TOX2: variants seen among roughly 807,000 people sequenced by gnomAD.
TOX2 encodes granulosa cell HMG box 1.
A neutral mutation model predicts 47.4 loss-of-function variants in TOX2; 15 were observed. The observed-to-expected ratio is 0.32, with a 90% CI of 0.21 to 0.49. The LOEUF is 0.49. Among genes scored for constraint, TOX2 ranks in the 20% least tolerant of loss-of-function variants. TOX2 has a pLI of 0.99. For missense variants in TOX2, 622 were observed against 673.1 expected, an observed-to-expected ratio of 0.92 and a Z score of 0.84; for synonymous variants, 290 against 296.6, an observed-to-expected ratio of 0.98 and a Z score of 0.23.
chr20:43,992,920 A>T (rs2070395812), intron 2 of TOX2, among the ~76,000 whole-genome samples: 1 of 151,654 alleles, frequency 6.6e-6, no homozygotes, highest in Admixed American at 6.6e-5. Flanking sequence ...TGCTGATCCG[A>T]ACTGATTTAG....
intron 3 of TOX2, among the ~76,000 whole-genome samples, chr20:44,048,870 C>T (rs1402835778): frequency 6.6e-6 from 1 of 152,198 alleles, no homozygotes; most frequent in Non-Finnish European, 1.5e-5. Flanking sequence ...TGTGGTGGCT[C>T]ATGCCTATAA....
intron 3 of TOX2, among the ~76,000 whole-genome samples, chr20:44,017,269 G>C (rs185517816): frequency 6.6e-6 from 1 of 152,358 alleles, no homozygotes; most frequent in East Asian, 1.9e-4. Flanking sequence ...CTGAGTATGA[G>C]TATGGGGTGA....
intron 2 of TOX2, among the ~76,000 whole-genome samples, chr20:43,987,960 G>A (rs556902537): frequency 1.6e-5 from 2 of 122,700 alleles, no homozygotes; most frequent in South Asian, 2.7e-4. Context: ...TCACTCTGTC[G>A]CCAGGCTGGA....
intron 3 of TOX2, among the ~76,000 whole-genome samples, chr20:44,011,336 T>C (rs1008673551): frequency 6.6e-6 from 1 of 152,202 alleles, no homozygotes; most frequent in Non-Finnish European, 1.5e-5. Context: ...AGGCTTGTGA[T>C]CTACAAGATG....
At chr20:44,063,781 T>A (rs62204317) in intron 5 of TOX2, among the ~76,000 whole-genome samples, 1 of 86,698 alleles carries the variant, frequency 1.2e-5, no homozygotes. Context: ...CATATACATA[T>A]ATATGTACAC....
intron 1 of TOX2, among the ~76,000 whole-genome samples, chr20:43,950,485 C>A (rs2069543967): frequency 6.6e-6 from 1 of 152,114 alleles, no homozygotes; most frequent in Non-Finnish European, 1.5e-5. Context: ...CCTCCCCTCC[C>A]CCTCCCCACT....
intron 2 of TOX2, among the ~76,000 whole-genome samples, chr20:43,981,268 A>G (rs1291903866): frequency 6.6e-6 from 1 of 152,194 alleles, no homozygotes; most frequent in African/African-American, 2.4e-5. Context: ...TTGACCTTTA[A>G]CCCAGCAATT....
At chr20:43,969,582 A>C (rs1264548471) in intron 1 of TOX2, among the ~76,000 whole-genome samples, 1 of 152,226 alleles carries the variant, frequency 6.6e-6, no homozygotes, top group East Asian at 1.9e-4. Context: ...GTGTCCCCCA[A>C]CTATTCCTTC....
At chr20:43,984,864 C>T (rs560144000) in intron 2 of TOX2, among the ~76,000 whole-genome samples, 20 of 152,174 alleles carry the variant, frequency 1.3e-4, no homozygotes, top group African/African-American at 4.1e-4. Flanking sequence ...GGGGTGGACA[C>T]GTGATTTCAA....
At chr20:44,041,691 T>C (rs1387070708) in intron 3 of TOX2, among the ~76,000 whole-genome samples, 1 of 152,222 alleles carries the variant, frequency 6.6e-6, no homozygotes, top group Admixed American at 6.5e-5. Context: ...TTTGTAACTA[T>C]AGCAAGAATG....
chr20:44,063,589 C>A (rs907492107), intron 5 of TOX2, among the ~76,000 whole-genome samples: 7 of 152,100 alleles, frequency 4.6e-5, no homozygotes, highest in African/African-American at 1.7e-4. Context: ...TTTGACCCAG[C>A]AATCCCACTG....
intron 4 of TOX2, among the ~76,000 whole-genome samples, chr20:44,051,950 A>G (rs2071520389): frequency 6.6e-6 from 1 of 152,100 alleles, no homozygotes; most frequent in African/African-American, 2.4e-5. Flanking sequence ...TGTTGAGGGG[A>G]TGGGGTGAGA....
At chr20:44,052,025 C>T (rs774598896) in intron 4 of TOX2, among the ~76,000 whole-genome samples, 11 of 152,210 alleles carry the variant, frequency 7.2e-5, no homozygotes, top group East Asian at 1.9e-4. Flanking sequence ...GAGGTGTGGA[C>T]GGCTTCAGCA....
intron 3 of TOX2, among the ~76,000 whole-genome samples, chr20:44,014,785 G>A (rs750120368): frequency 2.6e-5 from 4 of 152,138 alleles, no homozygotes; most frequent in South Asian, 4.2e-4. Context: ...CTTCAGCCTC[G>A]TCTCTAAGTT....
In TOX2 at chr20:44,069,299, G is replaced by T. The variant is rs921893095; in HGVS notation, c.*613G>T. 1.1e-5 allele frequency: 2 copies of T among 175,684 alleles called. No homozygotes were observed. The highest frequency in any genetic ancestry group is 1.1e-4 in the Admixed American group (2 of 17,740). The allele number at this position is 175,684 out of a possible 1,614,324, so 10.9% of individuals were successfully genotyped here. A position where few individuals can be genotyped will look rare whatever the true frequency, so the allele number is the denominator to read the frequency against. ...TTAAGTTTTATCTTAAGGGAGACGC[G>T]CACAAAAGCGGCTGCCAAACCGTTT... On this transcript the variant is annotated 3_prime_UTR_variant, in exon 9 of 9. Transcript: ENST00000341197.
intron 1 of TOX2, among the ~76,000 whole-genome samples, chr20:43,967,932 T>G (rs1187967742): frequency 6.6e-6 from 1 of 152,202 alleles, no homozygotes; most frequent in Non-Finnish European, 1.5e-5. Flanking sequence ...TATTACACTT[T>G]GCATGCCTGT....
At chr20:44,013,469 T>C (rs1456772848) in intron 3 of TOX2, among the ~76,000 whole-genome samples, 1 of 152,246 alleles carries the variant, frequency 6.6e-6, no homozygotes, top group African/African-American at 2.4e-5. Flanking sequence ...CTTGGTCCTC[T>C]GGTCTTCTGA....
intron 3 of TOX2, among the ~76,000 whole-genome samples, chr20:44,048,903 G>A (rs921307935): frequency 1.3e-5 from 2 of 152,230 alleles, no homozygotes; most frequent in Admixed American, 6.5e-5. Flanking sequence ...TTGGCGGGCC[G>A]AGGTGGGCAG....
intron 3 of TOX2, among the ~76,000 whole-genome samples, chr20:44,009,834 G>GC (rs2070750184): frequency 6.6e-6 from 1 of 152,190 alleles, no homozygotes; most frequent in African/African-American, 2.4e-5. Context: ...GAGGGCTGTG[G>GC]TGCAGGGGTG....
Sources: gnomAD v4.1 joint callset for allele counts (sites outside exome capture counted in the v4.1 genomes callset) on GRCh38, gnomAD v4.1.1 for gene constraint, MANE v1.5 for transcripts, NCBI Gene and HGNC (gene_info 2026-07-23, HGNC 2026-07-21) for gene names.